Variants in CLSTN2 observed in about 807,000 individuals in gnomAD.
The protein encoded by CLSTN2 is calsyntenin-2.
Under a neutral mutation model 101.2 loss-of-function variants are expected in CLSTN2, and 48 were observed. The ratio of observed to expected loss-of-function variants is 0.47; its 90% confidence interval spans 0.38 to 0.60. CLSTN2 has a LOEUF of 0.60. Ranked by LOEUF, CLSTN2 falls within the 20% of genes least tolerant of loss-of-function variation. CLSTN2 has a pLI of 0.00. For synonymous variants in CLSTN2, 481 were observed against 463.6 expected (o/e 1.04, Z -0.48); for missense variants, 1,160 against 1,238.2 (o/e 0.94, Z 0.95).
chr3:140,275,533 A>G (rs1448140856), intron 2 of CLSTN2, among the ~76,000 whole-genome samples: 1 of 152,154 alleles, frequency 6.6e-6, no homozygotes, highest in Non-Finnish European at 1.5e-5. Context: ...TGGCCTCCCA[A>G]AATGCTGGGA....
At chr3:140,502,126 G>A (rs1934588879) in intron 8 of CLSTN2, among the ~76,000 whole-genome samples, 1 of 152,176 alleles carries the variant, frequency 6.6e-6, no homozygotes, top group South Asian at 2.1e-4. Flanking sequence ...TGCTTATGGT[G>A]GTGGTGGGTG....
intron 2 of CLSTN2, among the ~76,000 whole-genome samples, chr3:140,195,215 A>G (rs557210201): frequency 4.6e-5 from 7 of 152,290 alleles, no homozygotes; most frequent in East Asian, 1.9e-4. Flanking sequence ...TCTGTCTGCT[A>G]TGTTGCCATT....
At chr3:140,412,979 C>T (rs867154499) in intron 4 of CLSTN2, among the ~76,000 whole-genome samples, 6 of 151,974 alleles carry the variant, frequency 3.9e-5, no homozygotes, top group Admixed American at 2.0e-4. Flanking sequence ...TAATGTTATA[C>T]GTCAAGGAAC....
At chr3:140,431,139 A>G (rs190891258) in intron 5 of CLSTN2, among the ~76,000 whole-genome samples, 28 of 152,324 alleles carry the variant, frequency 1.8e-4, no homozygotes, top group Non-Finnish European at 2.5e-4. Context: ...CAATGGGACA[A>G]TGTCTACATA....
chr3:140,390,861 TA>T (rs1376867096), intron 2 of CLSTN2, among the ~76,000 whole-genome samples: 1 of 152,244 alleles, frequency 6.6e-6, no homozygotes, highest in African/African-American at 2.4e-5. Context: ...ACATGTCAAG[TA>T]AGTTTGAACT....
At chr3:140,478,493 C>T (rs1381631824) in intron 8 of CLSTN2, among the ~76,000 whole-genome samples, 1 of 152,142 alleles carries the variant, frequency 6.6e-6, no homozygotes, top group East Asian at 1.9e-4. Flanking sequence ...ACAAAGACTA[C>T]ATATTATATT....
At chr3:140,387,918 G>T (rs536241691) in intron 2 of CLSTN2, among the ~76,000 whole-genome samples, 4 of 152,148 alleles carry the variant, frequency 2.6e-5, no homozygotes, top group Non-Finnish European at 4.4e-5. Flanking sequence ...TAACACTTGC[G>T]ATCATTCATT....
intron 2 of CLSTN2, among the ~76,000 whole-genome samples, chr3:140,291,949 C>T (rs1055578880): frequency 1.3e-5 from 2 of 152,076 alleles, no homozygotes; most frequent in Non-Finnish European, 2.9e-5. Flanking sequence ...CCACATGAGC[C>T]TCCTAACTGG....
chr3:140,380,697 A>AT (rs2087971349), intron 2 of CLSTN2, among the ~76,000 whole-genome samples: 2 of 152,056 alleles, frequency 1.3e-5, no homozygotes, highest in Admixed American at 1.3e-4. Flanking sequence ...ATAACTCCTC[A>AT]CTCATTCAGT....
In CLSTN2 at chr3:140,427,185, ATATATATATATATATATATGTGTAT is replaced by A. The variant is rs1212218064; in HGVS notation, c.787+5912_787+5936del. ...AGTGAGACTGTCTCAAAAAAAAAAA[ATATATATATATATATATATGTGTAT>A]ATATATATATATATGTGTGTATATA... On this transcript the variant is annotated intron_variant, in intron 5 of 16. Coordinates refer to ENST00000458420, the MANE Select transcript of CLSTN2 (RefSeq NM_022131.3). Among the ~76,000 whole-genome samples the A allele has an allele frequency of 2.1e-3, 177 of 83,014 alleles. 3 individuals carry two copies. The highest frequency in any genetic ancestry group is 0.013 in the African/African-American group (161 of 12,856). 54.5% of individuals were successfully genotyped at this position (83,014 alleles called of 152,430 possible).
chr3:139,974,051 T>C (rs887097716), intron 1 of CLSTN2, among the ~76,000 whole-genome samples: 1 of 152,222 alleles, frequency 6.6e-6, no homozygotes, highest in Non-Finnish European at 1.5e-5. Flanking sequence ...TTGTGAAGCC[T>C]GGCCCTGGAA....
chr3:140,368,825 A>G (rs77928183), intron 2 of CLSTN2, among the ~76,000 whole-genome samples: 3,053 of 152,302 alleles, frequency 0.02, 80 homozygotes, highest in African/African-American at 0.069. Context: ...CTTTCCTTCC[A>G]GAGCACCCAC....
At chr3:140,068,963 T>C (rs1450374525) in intron 1 of CLSTN2, among the ~76,000 whole-genome samples, 1 of 152,176 alleles carries the variant, frequency 6.6e-6, no homozygotes, top group Non-Finnish European at 1.5e-5. Context: ...AATAATAGAA[T>C]CTCTCTCATA....
intron 8 of CLSTN2, among the ~76,000 whole-genome samples, chr3:140,502,886 A>G (rs892077632): frequency 1.3e-5 from 2 of 152,252 alleles, no homozygotes; most frequent in African/African-American, 4.8e-5. Flanking sequence ...TGACTTCAAC[A>G]TAAGTTTATT....
At chr3:140,219,017 GT>G in intron 2 of CLSTN2, among the ~76,000 whole-genome samples, 1 of 152,192 alleles carries the variant, frequency 6.6e-6, no homozygotes, top group South Asian at 2.1e-4. Flanking sequence ...GTTTTGTTTT[GT>G]TTTTAATAAT....
intron 5 of CLSTN2, among the ~76,000 whole-genome samples, chr3:140,437,655 ACCCCCAG>A (rs1453237212): frequency 2.0e-5 from 3 of 152,280 alleles, no homozygotes; most frequent in South Asian, 4.1e-4. Context: ...CCAGGTGGGC[ACCCCCAG>A]GCAAGGAAGA....
At chr3:140,184,507 G>A (rs1035375051) in intron 2 of CLSTN2, among the ~76,000 whole-genome samples, 1 of 152,068 alleles carries the variant, frequency 6.6e-6, no homozygotes, top group African/African-American at 2.4e-5. Context: ...ACCCCCATGA[G>A]CCAGTCAGCT....
At chr3:140,038,191 C>A (rs1432582193) in intron 1 of CLSTN2, among the ~76,000 whole-genome samples, 2 of 152,178 alleles carry the variant, frequency 1.3e-5, no homozygotes, top group Non-Finnish European at 2.9e-5. Context: ...TTTTTCACTG[C>A]AACCTTGCCA....
At chr3:140,079,042 G>T (rs2008542319) in intron 1 of CLSTN2, among the ~76,000 whole-genome samples, 1 of 152,142 alleles carries the variant, frequency 6.6e-6, no homozygotes, top group Non-Finnish European at 1.5e-5. Flanking sequence ...CTGTCTGTTA[G>T]CTGCATGACC....
Sources: allele counts gnomAD v4.1 joint callset (sites outside exome capture counted in the v4.1 genomes callset), GRCh38; gene constraint gnomAD v4.1.1; transcripts MANE v1.5; gene names NCBI Gene and HGNC (gene_info 2026-07-23, HGNC 2026-07-21).